The following GLIS2 variants were observed in gnomAD, a reference collection of about 807,000 sequenced individuals.
The protein encoded by GLIS2 is GLIS family zinc finger 2.
In GLIS2, 14 loss-of-function variants were observed where a neutral mutation model predicts 35.6. That is an observed-to-expected ratio of 0.39 (90% CI 0.26 to 0.61). GLIS2 has a LOEUF of 0.61. Among genes scored for constraint, GLIS2 ranks in the 20% least tolerant of loss-of-function variants. The pLI is 0.48. For synonymous variants in GLIS2, 368 were observed against 325.1 expected, an observed-to-expected ratio of 1.13 and a Z score of -1.42; for missense variants, 675 against 713.4, an observed-to-expected ratio of 0.95 and a Z score of 0.61.
rs1055983188 is a variant in GLIS2 at position 4,320,610 on chromosome 16, T to A, written c.-67+4356T>A. The stretch of plus-strand genomic sequence containing the variant: ...CAAGGGCATGACGGGGGCCAACGTG[T>A]CTGGAAGAAGCCTCTCCCCTTCCCT... On this transcript the variant is annotated intron_variant, in intron 1 of 6. Coordinates refer to ENST00000433375, the MANE Select transcript of GLIS2 (RefSeq NM_032575.3). This position sits in a 1 kb window ranked among gnomAD's most constrained non-coding sequence, Gnocchi z 5.6. Among the ~76,000 whole-genome samples the A allele has an allele frequency of 6.6e-6, 1 of 152,064 alleles. No homozygotes were observed. Among genetic ancestry groups the A allele is most frequent in the Non-Finnish European group, 1.5e-5 (1 of 68,006 alleles).
chr16:4,337,594 T>G lies in GLIS2; in HGVS notation c.*70T>G. ...CACTGCCCCCGACGAACGGAAACTC[T>G]TCTGTGAAATAGCAATAATGTCCTA... On this transcript the variant is annotated 3_prime_UTR_variant, in exon 7 of 7. Coordinates refer to ENST00000433375, the MANE Select transcript of GLIS2 (RefSeq NM_032575.3). 12 of 1,529,062 alleles carry G rather than the reference T, an allele frequency of 7.8e-6. No homozygotes were observed. The highest frequency in any genetic ancestry group is 1.4e-5 in the African/African-American group (1 of 72,934). The allele number at this position is 1,529,062 out of a possible 1,614,324, so 94.7% of individuals were successfully genotyped here.
At chr16:4,330,232 A>G (rs552682065) in intron 1 of GLIS2, among the ~76,000 whole-genome samples, 49 of 152,292 alleles carry the variant, frequency 3.2e-4, no homozygotes, top group Middle Eastern at 6.8e-3. Flanking sequence ...AGCCCAGATC[A>G]CACCACTGCA....
rs1341155973 is a variant in GLIS2 at position 4,337,290 on chromosome 16, G to C, written c.1341G>C (p.Gly447=). 6.4e-7 allele frequency: 1 copy of C among 1,554,070 alleles called. No individual in the cohort carries two copies. Among genetic ancestry groups the C allele is most frequent in the Admixed American group, 1.9e-5 (1 of 52,066 alleles). The change falls in exon 7 of 7, where the codon GGG becomes GGC. Residue 447 remains glycine (G), a synonymous_variant. Transcript: ENST00000433375. The part of the protein sequence containing the change: ...AAGGKAEGEK[G]RGSVPTRALG... ...GTGGCAAGGCCGAGGGGGAGAAGGG[G>C]CGTGGGTCGGTGCCCACCAGGGCCC...
chr16:4,336,749 A>G lies in GLIS2; in HGVS notation c.800A>G (p.Tyr267Cys). ...HTGEKPYVCP[Y>C]EGCNKRYSNS... ...GGTGAGAAGCCCTACGTCTGCCCCT[A>G]CGAGGGCTGCAACAAGCGCTATTCC... The change falls in exon 7 of 7, where the codon TAC (tyrosine) becomes TGC (cysteine). Residue 267 changes from tyrosine (Y) to cysteine (C), a missense_variant. Physicochemically the swap from Tyr to Cys is radical, Grantham distance 194 (BLOSUM62 -2). Transcript: ENST00000433375. The G allele has an allele frequency of 6.2e-7, 1 of 1,607,954 alleles. No individual in the cohort carries two copies. The highest frequency in any genetic ancestry group is 8.5e-7 in the Non-Finnish European group (1 of 1,177,682).
intron 1 of GLIS2, among the ~76,000 whole-genome samples, chr16:4,317,084 CCTGT>C (rs1840632255): frequency 2.0e-5 from 3 of 152,296 alleles, no homozygotes; most frequent in East Asian, 3.9e-4. Flanking sequence ...CAGCGTGCAG[CCTGT>C]CTGCCTGTCC....
chr16:4,337,120 G>A lies in GLIS2; in HGVS notation c.1171G>A (p.Gly391Ser). The stretch of plus-strand genomic sequence containing the variant: ...TGCCCTGGCCTGTGGCAACGGTGGG[G>A]GCAGTGGGGGTGGGGGGGGCATGGG... ...LSALACGNGG[G>S]SGGGGGMGPG... The change falls in exon 7 of 7, where the codon GGC becomes AGC. Residue 391 changes from glycine to serine, a missense_variant. By Grantham distance (56) the Gly-to-Ser change is moderately conservative (BLOSUM62 0). Coordinates refer to ENST00000433375, the MANE Select transcript of GLIS2 (RefSeq NM_032575.3). The A allele has an allele frequency of 6.5e-7, 1 of 1,536,322 alleles. No individual in the cohort carries two copies. Among genetic ancestry groups the A allele is most frequent in the Non-Finnish European group, 8.7e-7 (1 of 1,146,554 alleles).
At position 4,320,069 on chromosome 16, in the gene GLIS2, C is replaced by T. The variant is rs879547234; in HGVS notation, c.-67+3815C>T. Among the ~76,000 whole-genome samples the T allele has an allele frequency of 8.5e-5, 13 of 152,136 alleles. No homozygotes were observed. The highest frequency in any genetic ancestry group is 8.5e-4 in the Admixed American group (13 of 15,282). On this transcript the variant is annotated intron_variant, in intron 1 of 6. Transcript: ENST00000433375. The surrounding 1 kb of genome is among the most constrained non-coding windows in gnomAD (Gnocchi z 5.6). ...GGCTGGGGGGCGGGTGACTTGGGCT[C>T]CTCGTGCCCTTTGTCTTCGGTGCTT...
intron 1 of GLIS2, among the ~76,000 whole-genome samples, chr16:4,323,874 A>G (rs2053403469): frequency 6.6e-6 from 1 of 152,214 alleles, no homozygotes; most frequent in African/African-American, 2.4e-5. Flanking sequence ...CCTGAGTCCC[A>G]GGGACCATTG....
Position 4,335,469 on chromosome 16 carries a change from G to A in GLIS2, c.775+76G>A. On this transcript the variant is annotated intron_variant, in intron 6 of 6. Coordinates refer to ENST00000433375, the MANE Select transcript of GLIS2 (RefSeq NM_032575.3). The surrounding 1 kb of genome is among the most constrained non-coding windows in gnomAD (Gnocchi z 4.6). The stretch of plus-strand genomic sequence containing the variant: ...AGACCGGCTGGGCAGGTCCCCAGGG[G>A]GAGGGGACTGTTAAGTAAATCCCGG... 7.8e-7 allele frequency: 1 copy of A among 1,279,902 alleles called. No individual in the cohort carries two copies. The highest frequency in any genetic ancestry group is 1.1e-6 in the Non-Finnish European group (1 of 880,704). 79.3% of individuals were successfully genotyped at this position (1,279,902 alleles called of 1,614,324 possible). A position where few individuals can be genotyped will look rare whatever the true frequency, so the allele number is the denominator to read the frequency against.
At chr16:4,331,696 T>G in intron 1 of GLIS2, 1 of 161,168 alleles carries the variant, frequency 6.2e-6, no homozygotes, top group Admixed American at 5.8e-5. Context: ...AGTCCCAGCG[T>G]TTTGGGAGGC....
rs1189133801 is a variant in GLIS2 at position 4,332,649 on chromosome 16, G to A, written c.172+197G>A. Among the ~76,000 whole-genome samples, 3 of 152,218 alleles carry A rather than the reference G, an allele frequency of 2.0e-5. No homozygotes were observed. Among genetic ancestry groups the A allele is most frequent in the South Asian group, 2.1e-4 (1 of 4,828 alleles). ...GTGGGAGCTGCAGTGCCCAGCTCAC[G>A]TGGCTGGCACACGATGCAAACTGAG... On this transcript the variant is annotated intron_variant, in intron 2 of 6. Coordinates refer to ENST00000433375, the MANE Select transcript of GLIS2 (RefSeq NM_032575.3). This position sits in a 1 kb window ranked among gnomAD's most constrained non-coding sequence, Gnocchi z 5.4.
At chr16:4,325,621 C>T (rs1451659169) in intron 1 of GLIS2, among the ~76,000 whole-genome samples, 1 of 152,144 alleles carries the variant, frequency 6.6e-6, no homozygotes, top group Non-Finnish European at 1.5e-5. Flanking sequence ...CTCACTTCCT[C>T]TTTCTGTTAA....
Position 4,334,957 on chromosome 16 carries a change from C to T in GLIS2, c.502C>T (p.Leu168=). 1 of 1,613,230 alleles carries T rather than the reference C, an allele frequency of 6.2e-7. No homozygotes were observed. The highest frequency in any genetic ancestry group is 8.5e-7 in the Non-Finnish European group (1 of 1,180,034). ...GCCAGACCTGCCCCTGCCCAAGCAG[C>T]TGGTGTGTCGCTGGGCCAAGGTGAG... The part of the protein sequence containing the change: ...LSPDLPLPKQ[L]VCRWAKCNQL... The change falls in exon 4 of 7, where the codon CTG becomes TTG. Residue 168 remains leucine (L), a synonymous_variant. Coordinates refer to ENST00000433375, the MANE Select transcript of GLIS2 (RefSeq NM_032575.3).
At position 4,332,264 on chromosome 16, in the gene GLIS2, A is replaced by C; in HGVS notation, c.-17A>C. ...AGCCCACTGCCTGCTGCCACCTCCA[A>C]CTCCGGCCCCCTCACCATGCACTCC... On this transcript the variant is annotated 5_prime_UTR_variant, in exon 2 of 7. Coordinates refer to ENST00000433375, the MANE Select transcript of GLIS2 (RefSeq NM_032575.3). The surrounding 1 kb of genome is among the most constrained non-coding windows in gnomAD (Gnocchi z 5.4). 6.2e-7 allele frequency: 1 copy of C among 1,609,610 alleles called. No homozygotes were observed. The highest frequency in any genetic ancestry group is 8.5e-7 in the Non-Finnish European group (1 of 1,178,888).
rs1326579223 is a variant in GLIS2 at position 4,337,175 on chromosome 16, T to TCAATCTGGC, written c.1230_1238dup (p.Asn410_Ala412dup). On this transcript the variant is annotated inframe_insertion, in exon 7 of 7. Transcript: ENST00000433375. ...GGGCTGCCAGGCCCCGTCCTGCCTC[T>TCAATCTGGC]CAATCTGGCCAAGAACCCGCTGCTG... The TCAATCTGGC allele has an allele frequency of 6.5e-7, 1 of 1,543,270 alleles. No homozygotes were observed. The highest frequency in any genetic ancestry group is 1.2e-5 in the South Asian group (1 of 84,014).
chr16:4,335,816 C>T lies in GLIS2; in HGVS notation c.775+423C>T, dbSNP rs1000464076. On this transcript the variant is annotated intron_variant, in intron 6 of 6. Transcript: ENST00000433375. The surrounding 1 kb of genome is among the most constrained non-coding windows in gnomAD (Gnocchi z 4.6). The stretch of plus-strand genomic sequence containing the variant: ...GGGTGAAATTAATTGTAATATGGTT[C>T]GTTGACCCCGGTACATCCAACGTGT... The T allele has an allele frequency of 2.6e-5, 6 of 231,870 alleles. No homozygotes were observed. The highest frequency in any genetic ancestry group is 2.1e-4 in the East Asian group (2 of 9,700). 14.4% of individuals were successfully genotyped at this position (231,870 alleles called of 1,614,324 possible). A position where few individuals can be genotyped will look rare whatever the true frequency, so the allele number is the denominator to read the frequency against.
chr16:4,326,470 C>T (rs1472528191), intron 1 of GLIS2: 1 of 152,230 alleles, frequency 6.6e-6, no homozygotes, highest in African/African-American at 2.4e-5. Context: ...GATGCAGCCC[C>T]ATCTTACAGA....
chr16:4,337,511 C>G lies in GLIS2; in HGVS notation c.1562C>G (p.Ala521Gly), dbSNP rs767086009. ...IPPGSVLLKP[A>G]VVN ...CCGGGCTCGGTGCTGCTCAAACCGG[C>G]TGTGGTGAACTGAGCCCATCCTGCG... The change falls in exon 7 of 7, where the codon GCT (alanine) becomes GGT (glycine). Residue 521 changes from alanine to glycine, a missense_variant. Around this residue, in one of 3 missense-constraint regions of GLIS2, gnomAD observed 317 missense variants for 283.2 expected, o/e 1.12. Transcript: ENST00000433375. 4.5e-6 allele frequency: 7 copies of G among 1,558,960 alleles called. No homozygotes were observed. The East Asian group carries it at 1.2e-4, about 26-fold the overall frequency.
At position 4,320,535 on chromosome 16, in the gene GLIS2, G is replaced by A. The variant is rs1307852456; in HGVS notation, c.-67+4281G>A. 4.6e-5 allele frequency among the ~76,000 whole-genome samples: 7 copies of A among 151,606 alleles called. No homozygotes were observed. The highest frequency in any genetic ancestry group is 1.9e-4 in the East Asian group (1 of 5,174). On this transcript the variant is annotated intron_variant, in intron 1 of 6. Coordinates refer to ENST00000433375, the MANE Select transcript of GLIS2 (RefSeq NM_032575.3). This position sits in a 1 kb window ranked among gnomAD's most constrained non-coding sequence, Gnocchi z 5.6. Reference sequence around the variant, plus strand: ...TCTGGCCCTGACCCCTGAAATGTCGGTTTAGCCTGGGAATCCCCCCAGCTC... The same window carrying A: ...TCTGGCCCTGACCCCTGAAATGTCGATTTAGCCTGGGAATCCCCCCAGCTC...
Sources: allele counts gnomAD v4.1 joint callset (sites outside exome capture counted in the v4.1 genomes callset), GRCh38; gene constraint gnomAD v4.1.1; regional missense constraint gnomAD v4.1.1; non-coding constraint Gnocchi (gnomAD v3.1); transcripts MANE v1.5; gene names NCBI Gene and HGNC (gene_info 2026-07-23, HGNC 2026-07-21).